The following EVC variants were observed in gnomAD, a reference collection of about 807,000 sequenced individuals.
EVC encodes the protein evC complex member EVC.
A neutral mutation model predicts 118.9 loss-of-function variants in EVC; 116 were observed. The observed-to-expected ratio is 0.98, with a 90% CI of 0.84 to 1.14. The LOEUF (loss-of-function observed/expected upper bound fraction) is 1.14. Ranked by LOEUF, EVC falls within the 50% of genes most tolerant of loss-of-function variation. EVC has a pLI of 0.00. For synonymous variants in EVC, 619 were observed against 534.7 expected (o/e 1.16, Z -2.18); for missense variants, 1,401 against 1,246.4 (o/e 1.12, Z -1.87).
intron 17 of EVC, among the ~76,000 whole-genome samples, chr4:5,805,209 AC>A (rs1364116663): frequency 1.3e-5 from 2 of 152,042 alleles, no homozygotes; most frequent in African/African-American, 4.8e-5. Flanking sequence ...CTGGGAGGTG[AC>A]CCGCAGAGGC....
chr4:5,788,296 C>G (rs996766480), intron 12 of EVC, among the ~76,000 whole-genome samples: 2 of 152,154 alleles, frequency 1.3e-5, no homozygotes, highest in Admixed American at 1.3e-4. Context: ...ACATCCAATC[C>G]CTGGGCTGGG....
chr4:5,806,374 C>T (rs1391611752), intron 17 of EVC, among the ~76,000 whole-genome samples: 2 of 152,048 alleles, frequency 1.3e-5, no homozygotes, highest in African/African-American at 4.8e-5. Context: ...GCCACTGCGC[C>T]CAGCCTGTCA....
chr4:5,816,641 T>C (rs1240586900), downstream of EVC, among the ~76,000 whole-genome samples: 2 of 97,348 alleles, frequency 2.1e-5, no homozygotes, highest in African/African-American at 3.9e-5. Context: ...CTCCTTCCCC[T>C]CTCTCCCTTC....
At chr4:5,728,058 T>C (rs1297279756) in intron 2 of EVC, among the ~76,000 whole-genome samples, 4 of 151,978 alleles carry the variant, frequency 2.6e-5, no homozygotes, top group East Asian at 1.9e-4. Flanking sequence ...CGATGCGGGC[T>C]CTTTTTTGGT....
chr4:5,800,269 T>A (rs533167944), intron 15 of EVC, among the ~76,000 whole-genome samples: 1 of 152,256 alleles, frequency 6.6e-6, no homozygotes, highest in South Asian at 2.1e-4. Context: ...CACTTGAATC[T>A]GGGAGGCGGA....
At chr4:5,744,671 TCCCC>T (rs986645553) in intron 6 of EVC, among the ~76,000 whole-genome samples, 2 of 152,172 alleles carry the variant, frequency 1.3e-5, no homozygotes, top group African/African-American at 4.8e-5. Flanking sequence ...ACCTCAGGCT[TCCCC>T]ACACAGAAAC....
In EVC at chr4:5,742,345, C is replaced by T. The variant is rs1273632167; in HGVS notation, c.801+531C>T. 6.6e-6 allele frequency among the ~76,000 whole-genome samples: 1 copy of T among 152,092 alleles called. No individual in the cohort carries two copies. The highest frequency in any genetic ancestry group is 1.5e-5 in the Non-Finnish European group (1 of 68,014). ...GGATAAGAGAGATGTGTATGATACA[C>T]CTAGCAATGTCATAGTTGGCTGTGA... On this transcript the variant is annotated intron_variant, in intron 6 of 20. Transcript: ENST00000264956. This position sits in a 1 kb window ranked among gnomAD's most constrained non-coding sequence, Gnocchi z 5.2.
intron 11 of EVC, among the ~76,000 whole-genome samples, chr4:5,771,894 A>G (rs1734023039): frequency 8.1e-6 from 1 of 122,758 alleles, no homozygotes; most frequent in South Asian, 2.3e-4. Flanking sequence ...ATTTTATTTT[A>G]TTTTATTATT....
At chr4:5,775,833 C>T (rs1381436885) in intron 11 of EVC, among the ~76,000 whole-genome samples, 1 of 152,082 alleles carries the variant, frequency 6.6e-6, no homozygotes, top group African/African-American at 2.4e-5. Context: ...CAATTTATAT[C>T]TCATATAGTT....
At position 5,798,915 on chromosome 4, in the gene EVC, C is replaced by T; in HGVS notation, c.2304+123C>T. On this transcript the variant is annotated intron_variant, in intron 15 of 20. Transcript: ENST00000264956. This position sits in a 1 kb window ranked among gnomAD's most constrained non-coding sequence, Gnocchi z 4.1. ...TTGTGGCCTAGTAGACTTTGCCTGA[C>T]TTCTCCATGACTTGATTTTCTCATC... The T allele has an allele frequency of 1.9e-6, 2 of 1,055,426 alleles. No individual in the cohort carries two copies. Among genetic ancestry groups the T allele is most frequent in the Non-Finnish European group, 2.9e-6 (2 of 696,934 alleles). The allele number at this position is 1,055,426 out of a possible 1,614,324, so 65.4% of individuals were successfully genotyped here.
chr4:5,733,934 T>C (rs1005139418), intron 5 of EVC, among the ~76,000 whole-genome samples: 2 of 152,086 alleles, frequency 1.3e-5, no homozygotes, highest in Non-Finnish European at 2.9e-5. Flanking sequence ...CCCAAAGTTA[T>C]AAAGCTGCAG....
At chr4:5,751,775 C>G (rs987934336) in intron 8 of EVC, among the ~76,000 whole-genome samples, 3 of 146,728 alleles carry the variant, frequency 2.0e-5, no homozygotes, top group Non-Finnish European at 4.6e-5. Flanking sequence ...CAGGGAAGGA[C>G]CACAGAACCC....
chr4:5,790,420 A>C (rs987442730), intron 12 of EVC, among the ~76,000 whole-genome samples: 1 of 152,172 alleles, frequency 6.6e-6, no homozygotes, highest in African/African-American at 2.4e-5. Flanking sequence ...TCTGTGTTTA[A>C]TCTGCATTCC....
chr4:5,720,426 T>C (rs1724752874), intron 2 of EVC, among the ~76,000 whole-genome samples: 1 of 152,194 alleles, frequency 6.6e-6, no homozygotes. Flanking sequence ...TATTTGTCCT[T>C]GGGTTTGCCA....
intron 1 of EVC, among the ~76,000 whole-genome samples, chr4:5,716,142 G>A (rs962243508): frequency 2.0e-5 from 3 of 152,202 alleles, no homozygotes; most frequent in African/African-American, 7.2e-5. Context: ...TAAAAAGGGA[G>A]GTGTTTATTC....
the EVC span, chr4:5,826,448 T>A: frequency 6.7e-6 from 1 of 148,372 alleles, no homozygotes. Flanking sequence ...CTGGGGATGC[T>A]GTGGGGAGGA....
Position 5,749,335 on chromosome 4 carries a change from TG to T in EVC, c.1098+1030del, listed in dbSNP as rs1729989761. ...ATACATTAACACTAACGATAGCTGA[TG>T]AGCGGAAAAAAAAAAAAAAAAAAAG... On this transcript the variant is annotated intron_variant, in intron 8 of 20. Coordinates refer to ENST00000264956, the MANE Select transcript of EVC (RefSeq NM_153717.3). This position sits in a 1 kb window ranked among gnomAD's most constrained non-coding sequence, Gnocchi z 4.4. Among the ~76,000 whole-genome samples the T allele has an allele frequency of 8.0e-6, 1 of 124,976 alleles. No homozygotes were observed. Among genetic ancestry groups the T allele is most frequent in the Non-Finnish European group, 1.6e-5 (1 of 63,144 alleles). The allele number at this position is 124,976 out of a possible 152,430, so 82.0% of individuals were successfully genotyped here.
At chr4:5,765,884 G>A (rs1321205156) in intron 11 of EVC, among the ~76,000 whole-genome samples, 2 of 148,284 alleles carry the variant, frequency 1.3e-5, no homozygotes, top group African/African-American at 5.0e-5. Context: ...CTTTTAATTG[G>A]AGCATTTAGT....
chr4:5,793,247 CAA>C (rs1258701985), intron 12 of EVC, among the ~76,000 whole-genome samples: 1 of 151,940 alleles, frequency 6.6e-6, no homozygotes, highest in African/African-American at 2.4e-5. Context: ...TTATACAAGA[CAA>C]AGTGGCGTTA....
Sources: gnomAD v4.1 joint callset for allele counts (sites outside exome capture counted in the v4.1 genomes callset) on GRCh38, gnomAD v4.1.1 for gene constraint, Gnocchi (gnomAD v3.1) non-coding constraint, MANE v1.5 for transcripts, NCBI Gene and HGNC (gene_info 2026-07-23, HGNC 2026-07-21) for gene names.